Variants in TARBP1 observed in about 807,000 individuals in gnomAD.
The protein encoded by TARBP1 is tRNA guanosine 2 -O-methyltransferase TARBP1, also known as tRNA (guanosine(18)-2'-O)-methyltransferase TARBP1.
Under a neutral mutation model 178.6 loss-of-function variants are expected in TARBP1, and 144 were observed. The ratio of observed to expected loss-of-function variants is 0.81; its 90% CI spans 0.70 to 0.93. The LOEUF (loss-of-function observed/expected upper bound fraction) is 0.93. TARBP1 is among the 40% of genes least tolerant of loss of function. TARBP1 has a pLI of 0.00. For missense variants in TARBP1, 2,067 were observed against 2,011.7 expected, an observed-to-expected ratio of 1.03 and a Z score of -0.53; for synonymous variants, 787 against 781.0, an observed-to-expected ratio of 1.01 and a Z score of -0.13.
intron 22 of TARBP1, among the ~76,000 whole-genome samples, chr1:234,411,456 C>T (rs953099748): frequency 6.6e-6 from 1 of 152,068 alleles, no homozygotes; most frequent in Non-Finnish European, 1.5e-5. Context: ...AGAGGTGAGG[C>T]CTTCAGGATG....
chr1:234,430,102 G>T lies in TARBP1; in HGVS notation c.2594C>A (p.Pro865His), dbSNP rs1369991638. The T allele has an allele frequency of 6.2e-7, 1 of 1,612,822 alleles. No individual in the cohort carries two copies. The highest frequency in any genetic ancestry group is 1.7e-5 in the Admixed American group (1 of 59,990). The change falls in exon 15 of 30, where the codon CCC becomes CAC. Residue 865 changes from proline to histidine, a missense_variant. By Grantham distance (77) the Pro-to-His change is moderately conservative. Coordinates refer to ENST00000040877, the MANE Select transcript of TARBP1 (RefSeq NM_005646.4). ...HAEEQSSYAHPLECSSVLEES... is the reference protein window; with the variant it reads ...HAEEQSSYAHHLECSSVLEES... Reference sequence around the variant, plus strand: ...TTCCCTGTACCTGCTGCACTCCAAGGGGTGAGCATAACTGCTCTGCTCCTC... The same window carrying T: ...TTCCCTGTACCTGCTGCACTCCAAGTGGTGAGCATAACTGCTCTGCTCCTC...
intron 24 of TARBP1, among the ~76,000 whole-genome samples, chr1:234,402,396 G>C (rs1285773940): frequency 6.6e-6 from 1 of 152,132 alleles, no homozygotes; most frequent in Non-Finnish European, 1.5e-5. Context: ...TATTTTTTGA[G>C]AGAATTTTCT....
chr1:234,427,859 G>T, intron 17 of TARBP1, 93 bp from the exon 18 acceptor site: 1 of 871,034 alleles, frequency 1.1e-6, no homozygotes, highest in Non-Finnish European at 1.6e-6. Context: ...ACATAATCAT[G>T]AACAGTCTAA....
chr1:234,476,096 G>C (rs34912197), intron 1 of TARBP1, among the ~76,000 whole-genome samples: 1 of 152,112 alleles, frequency 6.6e-6, no homozygotes, highest in African/African-American at 2.4e-5. Flanking sequence ...TCCAGGTATC[G>C]AACTTGCAGA....
Position 234,429,531 on chromosome 1 carries a change from A to G in TARBP1, c.2756T>C (p.Leu919Pro), listed in dbSNP as rs775295623. ...CCTTATTGGCATCTGAACGGCAGGT[A>G]GAAACGGTTCCAGAATTTCACTCCC... ...TTGSEILEPF[L>P]PAVQMPIRTL... Residue 919 changes from leucine (L) to proline (P), a missense_variant, in exon 16 of 30, where the codon CTA (leucine) becomes CCA (proline). Coordinates refer to ENST00000040877, the MANE Select transcript of TARBP1 (RefSeq NM_005646.4). 2 of 1,614,202 alleles carry G rather than the reference A, an allele frequency of 1.2e-6. No individual in the cohort carries two copies. The highest frequency in any genetic ancestry group is 1.7e-5 in the Admixed American group (1 of 60,026).
intron 18 of TARBP1, 37 bp downstream of exon 18, chr1:234,427,539 A>C (rs944762862): frequency 1.3e-6 from 2 of 1,559,054 alleles, no homozygotes; most frequent in African/African-American, 2.8e-5. Context: ...GGCACTTAAT[A>C]CAAGTTATGA....
At chr1:234,472,683 G>A (rs763003020) in intron 2 of TARBP1, 31 bp downstream of exon 2, 6 of 1,454,440 alleles carry the variant, frequency 4.1e-6, no homozygotes, top group Non-Finnish European at 4.7e-6. Context: ...GTTATCTACT[G>A]TAGGATTTGC....
rs12060406 is a variant in TARBP1 at position 234,391,816 on chromosome 1, T to C, written c.4698-71A>G. The C allele has an allele frequency of 2.4e-3, 3,500 of 1,473,982 alleles. 79 individuals are homozygous for C. The African/African-American group carries it at 0.045, about 19-fold the overall frequency. 91.3% of individuals were successfully genotyped at this position (1,473,982 alleles called of 1,614,324 possible). On this transcript the variant is annotated intron_variant, in intron 29 of 29. Coordinates refer to ENST00000040877, the MANE Select transcript of TARBP1 (RefSeq NM_005646.4). Reference sequence around the variant, plus strand: ...ATTTTTCTCTTTGATATTCTTTTTATTTTTTGTTTATTCACTTATTTTTCT... The same window carrying C: ...ATTTTTCTCTTTGATATTCTTTTTACTTTTTGTTTATTCACTTATTTTTCT...
chr1:234,415,029 G>A (rs1284520479), intron 22 of TARBP1, among the ~76,000 whole-genome samples: 1 of 151,966 alleles, frequency 6.6e-6, no homozygotes, highest in Admixed American at 6.6e-5. Context: ...CTAAACCTCT[G>A]GAACACAGGC....
At chr1:234,467,181 C>G (rs10495348) in intron 4 of TARBP1, among the ~76,000 whole-genome samples, 14,287 of 152,214 alleles carry the variant, frequency 0.094, 1,045 homozygotes, top group East Asian at 0.27. Context: ...AGAACGGTGA[C>G]AACAGCATCA....
At chr1:234,443,010 G>T (rs1665749379) in intron 12 of TARBP1, among the ~76,000 whole-genome samples, 1 of 152,118 alleles carries the variant, frequency 6.6e-6, no homozygotes, top group African/African-American at 2.4e-5. Flanking sequence ...ATGGTTTGGG[G>T]CTGGGCACAA....
At position 234,420,716 on chromosome 1, in the gene TARBP1, G is replaced by A; in HGVS notation, c.3541C>T (p.Pro1181Ser). 1.2e-6 allele frequency: 2 copies of A among 1,607,896 alleles called. No homozygotes were observed. Among genetic ancestry groups the A allele is most frequent in the South Asian group, 1.1e-5 (1 of 90,050 alleles). Residue 1181 changes from proline to serine, a missense_variant, in exon 21 of 30, where the codon CCT becomes TCT. Coordinates refer to ENST00000040877, the MANE Select transcript of TARBP1 (RefSeq NM_005646.4). ...RVWQTLLVLF[P>S]RLDQNFLNGI... Reference sequence around the variant, plus strand: ...AAATATGATACCTGGTCAAGTCTAGGGAAAAGTACCAGCAGAGTCTGCCAC... The same window carrying A: ...AAATATGATACCTGGTCAAGTCTAGAGAAAAGTACCAGCAGAGTCTGCCAC...
At chr1:234,407,517 AGTAGAGAC>A (rs1258826727) in intron 23 of TARBP1, 1 of 151,946 alleles carries the variant, frequency 6.6e-6, no homozygotes, top group Non-Finnish European at 1.5e-5. Context: ...TTGTATTTTT[AGTAGAGAC>A]GGGGTTTCAC....
chr1:234,477,609 ATC>A lies in TARBP1; in HGVS notation c.931+562_931+563del, dbSNP rs574425966. 6.7e-4 allele frequency among the ~76,000 whole-genome samples: 102 copies of A among 152,362 alleles called. 1 individual carries two copies. Among genetic ancestry groups the A allele is most frequent in the African/African-American group, 2.3e-3 (95 of 41,578 alleles). On this transcript the variant is annotated intron_variant, in intron 1 of 29. Transcript: ENST00000040877. ...AAAGCTCAAACAGTTAAAAAATAAA[ATC>A]TGATTCATTCTATTAAATCAATGGC...
At chr1:234,447,394 C>CTTTTTTTTTT (rs36066908) in intron 11 of TARBP1, among the ~76,000 whole-genome samples, 7,641 of 104,272 alleles carry the variant, frequency 0.073, 584 homozygotes, top group East Asian at 0.18. Flanking sequence ...TGTTAACCAA[C>CTTTTTTTTTT]TTTTTTTTTT....
At chr1:234,450,406 AT>A in intron 10 of TARBP1, 21 bp downstream of exon 10, 1 of 1,551,750 alleles carries the variant, frequency 6.4e-7, no homozygotes, top group East Asian at 2.4e-5. Context: ...ATATCAATCC[AT>A]AAAAATGATT....
chr1:234,463,910 G>A lies in TARBP1; in HGVS notation c.1326C>T (p.Ser442=). 1 of 1,590,878 alleles carries A rather than the reference G, an allele frequency of 6.3e-7. No individual in the cohort carries two copies. The highest frequency in any genetic ancestry group is 8.6e-7 in the Non-Finnish European group (1 of 1,169,170). Reference sequence around the variant, plus strand: ...GTAATTTCAGTCCCAATGGAGAACAGCTTCCTATTGGCTGGCCTGGGGACC... The same window carrying A: ...GTAATTTCAGTCCCAATGGAGAACAACTTCCTATTGGCTGGCCTGGGGACC... ...YSRSPGQPIG[S]CSPLGLKLQK... Residue 442 remains serine, a synonymous_variant, in exon 6 of 30, where the codon AGC becomes AGT. Transcript: ENST00000040877.
Position 234,463,617 on chromosome 1 carries a change from T to C in TARBP1, c.1399+220A>G, listed in dbSNP as rs540327538. Among the ~76,000 whole-genome samples the C allele has an allele frequency of 1.6e-4, 25 of 152,312 alleles. 1 individual carries two copies. The South Asian group carries it at 5.2e-3, about 32-fold the overall frequency. On this transcript the variant is annotated intron_variant, in intron 6 of 29. Coordinates refer to ENST00000040877, the MANE Select transcript of TARBP1 (RefSeq NM_005646.4). ...AGCACACCTTCTAAAATTACCTCCA[T>C]GCTACTCATGCCAATACTGGTAGTA...
Position 234,429,278 on chromosome 1 carries a change from G to T in TARBP1, c.2918C>A (p.Ala973Glu). 6.2e-7 allele frequency: 1 copy of T among 1,600,284 alleles called. No homozygotes were observed. The highest frequency in any genetic ancestry group is 1.4e-5 in the African/African-American group (1 of 73,780). ...ESLCIESFDM[A>E]WKIISSLSNT... ...GCTTAAAGAAGATATAATTTTCCAC[G>T]CCATGTCAAAAGACTCTATGCAGAG... Residue 973 changes from alanine (A) to glutamate (E), a missense_variant, in exon 17 of 30, where the codon GCG becomes GAG. Ala to Glu is a moderately radical substitution (Grantham distance 107). Coordinates refer to ENST00000040877, the MANE Select transcript of TARBP1 (RefSeq NM_005646.4).
Sources: gnomAD v4.1 joint callset for allele counts (sites outside exome capture counted in the v4.1 genomes callset) on GRCh38, gnomAD v4.1.1 for gene constraint, MANE v1.5 for transcripts, NCBI Gene and HGNC (gene_info 2026-07-23, HGNC 2026-07-21) for gene names.